MACROD2: variants seen among roughly 807,000 people sequenced by gnomAD.
MACROD2 encodes ADP-ribose glycohydrolase MACROD2.
In MACROD2, 36 loss-of-function variants were observed where a neutral mutation model predicts 70.4. The ratio of observed to expected loss-of-function variants is 0.51; its 90% confidence interval spans 0.39 to 0.68. The LOEUF (loss-of-function observed/expected upper bound fraction) is 0.68, where lower values mean the gene tolerates loss of function less well. Among genes scored for constraint, MACROD2 ranks in the 30% least tolerant of loss-of-function variants. The pLI, the probability that MACROD2 is intolerant of heterozygous loss-of-function variation, is 0.00. For missense variants in MACROD2, 496 were observed against 538.4 expected, an observed-to-expected ratio of 0.92 and a Z score of 0.78; for synonymous variants, 172 against 178.8, an observed-to-expected ratio of 0.96 and a Z score of 0.30.
chr20:16,015,746 C>G (rs1363104026), intron 15 of MACROD2, among the ~76,000 whole-genome samples: 1 of 151,720 alleles, frequency 6.6e-6, no homozygotes, highest in African/African-American at 2.4e-5. Flanking sequence ...TGTTATTTTT[C>G]CTATTGTATA....
intron 3 of MACROD2, among the ~76,000 whole-genome samples, chr20:14,133,900 G>T (rs562264183): frequency 3.5e-4 from 54 of 152,282 alleles, no homozygotes; most frequent in African/African-American, 1.3e-3. Flanking sequence ...TCCTTCCCAG[G>T]ATGGCCCACA....
chr20:14,929,732 G>A (rs1345521199), intron 5 of MACROD2, among the ~76,000 whole-genome samples: 1 of 151,996 alleles, frequency 6.6e-6, no homozygotes, highest in Non-Finnish European at 1.5e-5. Flanking sequence ...ACGTAAACTC[G>A]GGTATGCTTG....
intron 6 of MACROD2, among the ~76,000 whole-genome samples, chr20:15,410,396 C>G (rs1030488508): frequency 2.0e-5 from 3 of 152,130 alleles, no homozygotes; most frequent in East Asian, 3.9e-4. Flanking sequence ...TAATGGGTTA[C>G]CTTCCTTCGG....
At position 15,016,211 on chromosome 20, in the gene MACROD2, G is replaced by A. The variant is rs113063737; in HGVS notation, c.419-213729G>A. Reference sequence around the variant, plus strand: ...TGAATACTTCCTGAGAATACTTAGAGTATTATAACAGTCATGAAAAGAAAT... The same window carrying A: ...TGAATACTTCCTGAGAATACTTAGAATATTATAACAGTCATGAAAAGAAAT... On this transcript the variant is annotated intron_variant, in intron 5 of 17. Coordinates refer to ENST00000684519, the MANE Select transcript of MACROD2 (RefSeq NM_001351661.2). Among the ~76,000 whole-genome samples the A allele has an allele frequency of 3.2e-3, 484 of 152,244 alleles. 4 individuals are homozygous for A. The highest frequency in any genetic ancestry group is 0.011 in the African/African-American group (460 of 41,544).
intron 4 of MACROD2, among the ~76,000 whole-genome samples, chr20:14,553,369 ACC>A (rs1978796578): frequency 6.9e-6 from 1 of 144,058 alleles, no homozygotes; most frequent in Non-Finnish European, 1.5e-5. Context: ...CTTCTGGAAT[ACC>A]TCCTAAAGGA....
chr20:14,397,682 G>T (rs1255937359), intron 3 of MACROD2, among the ~76,000 whole-genome samples: 1 of 152,128 alleles, frequency 6.6e-6, no homozygotes, highest in Non-Finnish European at 1.5e-5. Context: ...TGCATACAAT[G>T]TGTAGTGATC....
intron 3 of MACROD2, among the ~76,000 whole-genome samples, chr20:14,117,506 C>G (rs1489018402): frequency 6.6e-6 from 1 of 152,068 alleles, no homozygotes; most frequent in East Asian, 1.9e-4. Context: ...GGCAGGTAGG[C>G]AGATATCATG....
chr20:15,029,384 T>A (rs2122990974), intron 5 of MACROD2, among the ~76,000 whole-genome samples: 1 of 152,302 alleles, frequency 6.6e-6, no homozygotes. Context: ...GAAGAGTGGT[T>A]TTTAAACTTT....
At chr20:14,369,553 C>T (rs571774766) in intron 3 of MACROD2, among the ~76,000 whole-genome samples, 15 of 152,298 alleles carry the variant, frequency 9.8e-5, no homozygotes, top group Admixed American at 8.5e-4. Flanking sequence ...GATTCTGACA[C>T]TTTTGCTTGA....
intron 5 of MACROD2, among the ~76,000 whole-genome samples, chr20:14,949,810 T>C (rs943217652): frequency 6.6e-6 from 1 of 152,142 alleles, no homozygotes; most frequent in African/African-American, 2.4e-5. Context: ...GTGTCTGTCA[T>C]TTGACCAGCA....
At chr20:15,590,231 A>G (rs1279564453) in intron 8 of MACROD2, among the ~76,000 whole-genome samples, 1 of 152,182 alleles carries the variant, frequency 6.6e-6, no homozygotes, top group Non-Finnish European at 1.5e-5. Context: ...ACTATACGCC[A>G]GGTAGCATGC....
intron 5 of MACROD2, among the ~76,000 whole-genome samples, chr20:14,688,350 T>C (rs554592915): frequency 6.6e-6 from 1 of 152,342 alleles, no homozygotes; most frequent in East Asian, 1.9e-4. Flanking sequence ...CTTGCTAAAT[T>C]AATCTATTCA....
chr20:15,682,957 G>T (rs1298234797), intron 8 of MACROD2, among the ~76,000 whole-genome samples: 1 of 140,118 alleles, frequency 7.1e-6, no homozygotes, highest in Non-Finnish European at 1.6e-5. Flanking sequence ...TCATGCTCTG[G>T]TAGCAATTTA....
At chr20:14,138,951 TTTCTG>T (rs569560431) in intron 3 of MACROD2, among the ~76,000 whole-genome samples, 119 of 152,274 alleles carry the variant, frequency 7.8e-4, no homozygotes, top group African/African-American at 2.7e-3. Context: ...TATAAAAACT[TTTCTG>T]TTCTGAAGGA....
chr20:15,643,327 T>A (rs761598936), intron 8 of MACROD2, among the ~76,000 whole-genome samples: 51 of 152,226 alleles, frequency 3.4e-4, no homozygotes, highest in Non-Finnish European at 6.0e-4. Flanking sequence ...TCACCTGGAC[T>A]GTTCTTCCTT....
chr20:14,506,792 A>T (rs1164985505), intron 4 of MACROD2, among the ~76,000 whole-genome samples: 1 of 152,148 alleles, frequency 6.6e-6, no homozygotes, highest in African/African-American at 2.4e-5. Flanking sequence ...CCACTAAAAA[A>T]TACAAAAAAT....
chr20:14,593,239 T>C (rs1981900483), intron 4 of MACROD2, among the ~76,000 whole-genome samples: 1 of 152,160 alleles, frequency 6.6e-6, no homozygotes, highest in African/African-American at 2.4e-5. Context: ...TTAGAGGAAA[T>C]TTTTTTGGGC....
chr20:14,095,496 C>T (rs750456736), intron 3 of MACROD2, among the ~76,000 whole-genome samples: 10 of 152,070 alleles, frequency 6.6e-5, no homozygotes, highest in Non-Finnish European at 1.0e-4. Context: ...AACATAGCCA[C>T]GGAGAGGTTA....
chr20:15,181,660 G>A (rs1165486312), intron 5 of MACROD2, among the ~76,000 whole-genome samples: 2 of 152,084 alleles, frequency 1.3e-5, no homozygotes, highest in Non-Finnish European at 2.9e-5. Context: ...AGCATGCTTG[G>A]ATTACTATAG....
Sources: gnomAD v4.1 joint callset for allele counts (sites outside exome capture counted in the v4.1 genomes callset) on GRCh38, gnomAD v4.1.1 for gene constraint, MANE v1.5 for transcripts, NCBI Gene and HGNC (gene_info 2026-07-23, HGNC 2026-07-21) for gene names.